GFRA1: variants seen among roughly 807,000 people sequenced by gnomAD.
GFRA1 encodes the protein GDNF family receptor alpha 1.
GFRA1 carries 16 observed loss-of-function variants against 51.6 expected under a neutral mutation model. That is an observed-to-expected ratio of 0.31 (90% CI 0.21 to 0.47). The LOEUF is 0.47. GFRA1 is among the 20% of genes least tolerant of loss of function. The probability of loss-of-function intolerance (pLI) is 1.00; values close to 1 mark genes in which losing one functional copy is unlikely to be tolerated. For missense variants in GFRA1, 530 were observed against 594.3 expected, an observed-to-expected ratio of 0.89 and a Z score of 1.13; for synonymous variants, 270 against 241.3, an observed-to-expected ratio of 1.12 and a Z score of -1.10.
chr10:116,120,934 C>T (rs367689021), intron 6 of GFRA1, among the ~76,000 whole-genome samples: 3 of 152,176 alleles, frequency 2.0e-5, no homozygotes, highest in Non-Finnish European at 1.5e-5. Context: ...GGCAAGCGGG[C>T]GGCTTCGCAG....
chr10:116,083,360 C>T (rs982079147), intron 9 of GFRA1, among the ~76,000 whole-genome samples: 2 of 152,222 alleles, frequency 1.3e-5, no homozygotes, highest in Non-Finnish European at 2.9e-5. Context: ...TCATCCTGTG[C>T]AAAATCCCAG....
rs35493394 is a variant in GFRA1, at chr10:116,090,432, T to TAAAAAAA, written c.1016-517_1016-511dup. Among the ~76,000 whole-genome samples the TAAAAAAA allele has an allele frequency of 4.6e-4, 56 of 121,142 alleles. 1 individual carries two copies. Among genetic ancestry groups the TAAAAAAA allele is most frequent in the Non-Finnish European group, 8.1e-4 (49 of 60,540 alleles). The allele number at this position is 121,142 out of a possible 152,430, so 79.5% of individuals were successfully genotyped here. On this transcript the variant is annotated intron_variant, in intron 8 of 10. Coordinates refer to ENST00000355422, the MANE Select transcript of GFRA1 (RefSeq NM_005264.8). Reference sequence around the variant, plus strand: ...GCAGGCAAAATGGAACCAGTTTCTTTAAAAAAAAAAAAAAAAAAAAAACTA... The same window carrying TAAAAAAA: ...GCAGGCAAAATGGAACCAGTTTCTTTAAAAAAAAAAAAAAAAAAAAAAAAAAAAACTA...
At chr10:116,214,308 T>C (rs1190264061) in intron 4 of GFRA1, among the ~76,000 whole-genome samples, 1 of 152,224 alleles carries the variant, frequency 6.6e-6, no homozygotes, top group African/African-American at 2.4e-5. Flanking sequence ...CATATTATAA[T>C]GAGTTATTTA....
chr10:116,134,138 A>T (rs926034099), intron 5 of GFRA1, among the ~76,000 whole-genome samples: 1 of 152,232 alleles, frequency 6.6e-6, no homozygotes, highest in African/African-American at 2.4e-5. Context: ...CCTGCAAGAG[A>T]TATGATTTAC....
intron 4 of GFRA1, among the ~76,000 whole-genome samples, chr10:116,262,110 A>C (rs923729661): frequency 6.6e-6 from 1 of 152,222 alleles, no homozygotes; most frequent in Non-Finnish European, 1.5e-5. Flanking sequence ...GATGGCAAAA[A>C]GAAATACTTC....
intron 9 of GFRA1, among the ~76,000 whole-genome samples, chr10:116,081,742 A>G (rs2133837056): frequency 6.6e-6 from 1 of 152,310 alleles, no homozygotes; most frequent in South Asian, 2.1e-4. Flanking sequence ...ATAGAATGAG[A>G]TGGTTTATAA....
chr10:116,192,654 C>T (rs1963377348), intron 5 of GFRA1, among the ~76,000 whole-genome samples: 2 of 152,186 alleles, frequency 1.3e-5, no homozygotes, highest in African/African-American at 4.8e-5. Context: ...AGCTGACCAG[C>T]TCCTGCCCAT....
chr10:116,190,731 G>A (rs1394720062), intron 5 of GFRA1, among the ~76,000 whole-genome samples: 1 of 152,250 alleles, frequency 6.6e-6, no homozygotes, highest in African/African-American at 2.4e-5. Context: ...GAGAAAGAGA[G>A]ACGAAAGCTA....
intron 5 of GFRA1, among the ~76,000 whole-genome samples, chr10:116,158,904 T>C (rs888368202): frequency 4.6e-5 from 7 of 152,206 alleles, no homozygotes; most frequent in African/African-American, 1.4e-4. Context: ...CTATGAGCCA[T>C]GCACATGGTC....
intron 5 of GFRA1, among the ~76,000 whole-genome samples, chr10:116,148,324 A>T (rs923269558): frequency 1.3e-5 from 2 of 152,038 alleles, no homozygotes; most frequent in Non-Finnish European, 2.9e-5. Flanking sequence ...AAGAACCCAG[A>T]ACTTCTTCCC....
chr10:116,120,873 C>T (rs1957614097), intron 6 of GFRA1, among the ~76,000 whole-genome samples: 1 of 152,194 alleles, frequency 6.6e-6, no homozygotes, highest in African/African-American at 2.4e-5. Flanking sequence ...ACCAAGCACA[C>T]CCTGAGTTTT....
chr10:116,227,981 G>A (rs149361090), intron 4 of GFRA1, among the ~76,000 whole-genome samples: 297 of 152,308 alleles, frequency 1.9e-3, no homozygotes, highest in African/African-American at 6.9e-3. Flanking sequence ...AAAGTGTGCT[G>A]TAAAGAACAA....
At chr10:116,269,635 A>T (rs552208710) in intron 3 of GFRA1, 49 bp from the exon 4 acceptor site, 10 of 1,166,606 alleles carry the variant, frequency 8.6e-6, no homozygotes, top group Non-Finnish European at 1.0e-5. Context: ...CATATATTTC[A>T]AGCAGGTTTT....
At chr10:116,123,075 G>A (rs1565591773) in intron 6 of GFRA1, among the ~76,000 whole-genome samples, 1 of 152,218 alleles carries the variant, frequency 6.6e-6, no homozygotes. Flanking sequence ...CCCATCGCTG[G>A]ACCCCGAGCA....
intron 9 of GFRA1, among the ~76,000 whole-genome samples, chr10:116,076,651 C>T (rs1955632215): frequency 6.6e-6 from 1 of 152,170 alleles, no homozygotes; most frequent in Admixed American, 6.5e-5. Flanking sequence ...ACAGCCCAGC[C>T]ACATGGGACT....
At chr10:116,240,871 A>C (rs550067182) in intron 4 of GFRA1, among the ~76,000 whole-genome samples, 2 of 152,282 alleles carry the variant, frequency 1.3e-5, no homozygotes, top group East Asian at 3.9e-4. Flanking sequence ...TGATACTAAG[A>C]ATTTTAATCT....
intron 9 of GFRA1, among the ~76,000 whole-genome samples, chr10:116,069,644 G>GTTAA (rs934436190): frequency 5.3e-5 from 8 of 152,346 alleles, no homozygotes; most frequent in African/African-American, 1.4e-4. Context: ...GCACCAGAGG[G>GTTAA]TTAATAAATG....
intron 6 of GFRA1, among the ~76,000 whole-genome samples, 166 bp from the exon 7 acceptor site, chr10:116,096,930 C>T (rs536446292): frequency 2.6e-5 from 4 of 152,018 alleles, no homozygotes; most frequent in Admixed American, 2.0e-4. Flanking sequence ...AAAACGTGAG[C>T]TAAGAAACTG....
At chr10:116,245,270 C>T (rs927430621) in intron 4 of GFRA1, among the ~76,000 whole-genome samples, 1 of 152,138 alleles carries the variant, frequency 6.6e-6, no homozygotes, top group African/African-American at 2.4e-5. Context: ...GAGATCTGAA[C>T]AGACATCTCA....
Sources: gnomAD v4.1 joint callset for allele counts (sites outside exome capture counted in the v4.1 genomes callset) on GRCh38, gnomAD v4.1.1 for gene constraint, MANE v1.5 for transcripts, NCBI Gene and HGNC (gene_info 2026-07-23, HGNC 2026-07-21) for gene names.